ITGA9: variants seen among roughly 807,000 people sequenced by gnomAD.
The protein encoded by ITGA9 is integrin alpha-9.
A neutral mutation model predicts 127.8 loss-of-function variants in ITGA9; 56 were observed. The observed-to-expected ratio is 0.44, with a 90% CI of 0.35 to 0.55. The LOEUF (loss-of-function observed/expected upper bound fraction) is 0.55. Ranked by LOEUF, ITGA9 falls within the 20% of genes least tolerant of loss-of-function variation. The probability of loss-of-function intolerance (pLI) is 0.00; values close to 1 mark genes in which losing one functional copy is unlikely to be tolerated. For missense variants in ITGA9, 1,196 were observed against 1,347.1 expected, an observed-to-expected ratio of 0.89 and a Z score of 1.76; for synonymous variants, 508 against 514.5, an observed-to-expected ratio of 0.99 and a Z score of 0.17.
chr3:37,493,053 C>G (rs943928465), intron 4 of ITGA9, among the ~76,000 whole-genome samples: 1 of 151,400 alleles, frequency 6.6e-6, no homozygotes, highest in African/African-American at 2.4e-5. Flanking sequence ...TAGCAGTTGT[C>G]CTTATAATAA....
At chr3:37,531,688 G>A (rs1699153674) in intron 13 of ITGA9, among the ~76,000 whole-genome samples, 1 of 152,206 alleles carries the variant, frequency 6.6e-6, no homozygotes, top group Non-Finnish European at 1.5e-5. Context: ...CCATCTGTGA[G>A]GCTTTGGACA....
intron 17 of ITGA9, among the ~76,000 whole-genome samples, chr3:37,655,811 G>C (rs958368164): frequency 2.0e-4 from 31 of 152,160 alleles, no homozygotes; most frequent in Admixed American, 7.2e-4. Context: ...TTCTTCTAGA[G>C]TTTTTATGGT....
At chr3:37,498,281 A>G (rs187475233) in intron 5 of ITGA9, among the ~76,000 whole-genome samples, 1 of 152,234 alleles carries the variant, frequency 6.6e-6, no homozygotes, top group East Asian at 1.9e-4. Flanking sequence ...TTAGGGGATG[A>G]GTGTGCTTAG....
In ITGA9 at chr3:37,803,801, T is replaced by C. The variant is rs781263197; in HGVS notation, c.2890-22T>C. 5 of 1,613,994 alleles carry C rather than the reference T, an allele frequency of 3.1e-6. No individual in the cohort carries two copies. The South Asian group carries it at 5.5e-5, about 18-fold the overall frequency. ...AAAAAAAATAAAAAAGGAAATGTTT[T>C]CACTGTTGCGTTGCCTCCTAGGTGG... is the stretch of plus-strand genomic sequence containing the variant. On this transcript the variant is annotated intron_variant, in intron 26 of 27. Coordinates refer to ENST00000264741, the MANE Select transcript of ITGA9 (RefSeq NM_002207.3).
At chr3:37,804,639 A>C (rs1697271864) in intron 27 of ITGA9, among the ~76,000 whole-genome samples, 1 of 152,130 alleles carries the variant, frequency 6.6e-6, no homozygotes, top group Non-Finnish European at 1.5e-5. Flanking sequence ...CCTTGTTTCC[A>C]CTGTGTCCCC....
rs563132186 is a variant in ITGA9 at position 37,782,554 on chromosome 3, G to C, written c.2788-2423G>C. 3.1e-3 allele frequency among the ~76,000 whole-genome samples: 471 copies of C among 152,334 alleles called. 1 individual carries two copies. Among genetic ancestry groups the C allele is most frequent in the African/African-American group, 0.011 (452 of 41,580 alleles). Reference sequence around the variant, plus strand: ...CAGCAGAAACCAGGAGCACTTCCAGGTGCAGAGAAAAGCTTAGAACAAAGT... The same window carrying C: ...CAGCAGAAACCAGGAGCACTTCCAGCTGCAGAGAAAAGCTTAGAACAAAGT... On this transcript the variant is annotated intron_variant, in intron 25 of 27. Coordinates refer to ENST00000264741, the MANE Select transcript of ITGA9 (RefSeq NM_002207.3).
rs1414342709 is a variant in ITGA9, at chr3:37,523,518, C to G, written c.1237-3C>G. 1 of 1,612,666 alleles carries G rather than the reference C, an allele frequency of 6.2e-7. No individual in the cohort carries two copies. Among genetic ancestry groups the G allele is most frequent in the South Asian group, 1.1e-5 (1 of 91,048 alleles). ...GACTCCATTTCCCTATTATCTGTTT[C>G]AGAAACTGTCTGGGCAGAAGATAAA... On this transcript the variant is annotated splice_region_variant and splice_polypyrimidine_tract_variant and intron_variant, in intron 11 of 27. Coordinates refer to ENST00000264741, the MANE Select transcript of ITGA9 (RefSeq NM_002207.3).
chr3:37,756,955 A>G (rs1292092616), intron 23 of ITGA9, among the ~76,000 whole-genome samples: 1 of 152,092 alleles, frequency 6.6e-6, no homozygotes, highest in Non-Finnish European at 1.5e-5. Flanking sequence ...TGAAGGGATG[A>G]ACAAATTAGA....
intron 22 of ITGA9, chr3:37,748,116 G>C (rs958595158): frequency 2.1e-6 from 1 of 477,880 alleles, no homozygotes; most frequent in East Asian, 5.6e-5. Context: ...CCAAAATGTC[G>C]AACACAAAGG....
intron 5 of ITGA9, among the ~76,000 whole-genome samples, chr3:37,499,577 C>T (rs560657527): frequency 1.3e-5 from 2 of 152,260 alleles, no homozygotes; most frequent in East Asian, 1.9e-4. Flanking sequence ...TCACTTTTTC[C>T]TAGCACTTGT....
At chr3:37,710,892 G>C (rs770060813) in intron 18 of ITGA9, among the ~76,000 whole-genome samples, 1 of 152,322 alleles carries the variant, frequency 6.6e-6, no homozygotes, top group African/African-American at 2.4e-5. Flanking sequence ...TCCTCATCTG[G>C]ATAGCAGCCC....
intron 19 of ITGA9, chr3:37,733,101 T>C (rs1361910785): frequency 2.5e-6 from 1 of 394,660 alleles, no homozygotes; most frequent in Non-Finnish European, 4.8e-6. Context: ...CTTCCTAAAA[T>C]AATTTTTTTT....
chr3:37,578,270 G>A (rs1379080242), intron 15 of ITGA9, among the ~76,000 whole-genome samples: 2 of 152,154 alleles, frequency 1.3e-5, no homozygotes, highest in Non-Finnish European at 1.5e-5. Context: ...ATTTTAGTTC[G>A]TTGCTGGGAA....
intron 27 of ITGA9, chr3:37,807,585 G>C (rs1050142649): frequency 2.6e-5 from 4 of 152,492 alleles, no homozygotes; most frequent in Non-Finnish European, 4.4e-5. Context: ...GATCTGTGTC[G>C]AGAGAGAGAT....
intron 23 of ITGA9, among the ~76,000 whole-genome samples, chr3:37,765,224 T>G (rs1390517207): frequency 2.6e-5 from 4 of 152,072 alleles, no homozygotes; most frequent in African/African-American, 9.7e-5. Flanking sequence ...GATCGCCCAG[T>G]AGGAATATTT....
At chr3:37,560,736 T>C (rs1699478967) in intron 15 of ITGA9, among the ~76,000 whole-genome samples, 1 of 152,214 alleles carries the variant, frequency 6.6e-6, no homozygotes, top group Admixed American at 6.5e-5. Context: ...AGTAGCCACA[T>C]TGAAAAAGTT....
intron 17 of ITGA9, among the ~76,000 whole-genome samples, chr3:37,681,559 CAA>C (rs1174594798): frequency 6.6e-6 from 1 of 152,152 alleles, no homozygotes; most frequent in African/African-American, 2.4e-5. Flanking sequence ...GAGATTCCCC[CAA>C]AACACGAGGA....
At chr3:37,607,142 C>G (rs1699976697) in intron 15 of ITGA9, among the ~76,000 whole-genome samples, 1 of 152,016 alleles carries the variant, frequency 6.6e-6, no homozygotes, top group Non-Finnish European at 1.5e-5. Flanking sequence ...GCCCCCGTAC[C>G]TGGCTAATGT....
intron 15 of ITGA9, among the ~76,000 whole-genome samples, chr3:37,606,766 C>A (rs759015232): frequency 5.9e-5 from 9 of 152,180 alleles, no homozygotes; most frequent in Non-Finnish European, 1.2e-4. Flanking sequence ...GACCACTACT[C>A]CGAGCATGGG....
Sources: allele counts gnomAD v4.1 joint callset (sites outside exome capture counted in the v4.1 genomes callset), GRCh38; gene constraint gnomAD v4.1.1; transcripts MANE v1.5; gene names NCBI Gene and HGNC (gene_info 2026-07-23, HGNC 2026-07-21).